Variants in PTPN21 observed in about 807,000 individuals in gnomAD.
PTPN21 encodes the protein protein tyrosine phosphatase non-receptor type 21.
A neutral mutation model predicts 131.8 loss-of-function variants in PTPN21; 77 were observed. The observed-to-expected ratio is 0.58, with a 90% CI of 0.49 to 0.71. PTPN21 has a LOEUF of 0.71. PTPN21 is among the 30% of genes least tolerant of loss of function. The pLI is 0.00. For synonymous variants in PTPN21, 715 were observed against 621.3 expected (o/e 1.15, Z -2.24); for missense variants, 1,552 against 1,527.1 (o/e 1.02, Z -0.27).
intron 3 of PTPN21, among the ~76,000 whole-genome samples, chr14:88,514,142 T>C (rs972935383): frequency 6.6e-6 from 1 of 152,202 alleles, no homozygotes; most frequent in African/African-American, 2.4e-5. Flanking sequence ...TAGAAGAATG[T>C]TTTGGCTTTT....
rs552521592 is a variant in PTPN21, at chr14:88,554,728, G to A, written c.-280C>T. The A allele has an allele frequency of 6.7e-6, 1 of 148,254 alleles. No individual in the cohort carries two copies. The highest frequency in any genetic ancestry group is 2.0e-4 in the South Asian group (1 of 5,104). 9.2% of individuals were successfully genotyped at this position (148,254 alleles called of 1,614,324 possible). On this transcript the variant is annotated 5_prime_UTR_variant, in exon 1 of 19. Transcript: ENST00000556564. ...CCCGCCTCCCGGGGCCCCGCCGCGC[G>A]GCCGCCGCAGCCGCACCCGCACGCC...
intron 10 of PTPN21, 91 bp downstream of exon 10, chr14:88,496,322 T>C (rs2140123573): frequency 1.7e-6 from 2 of 1,191,408 alleles, no homozygotes. Context: ...TGTCAACTGA[T>C]AAAATGTCTT....
chr14:88,497,989 T>A (rs1228972599), intron 8 of PTPN21, among the ~76,000 whole-genome samples: 1 of 151,616 alleles, frequency 6.6e-6, no homozygotes, highest in East Asian at 1.9e-4. Flanking sequence ...CAATCCCAGC[T>A]ACTTGGGAGG....
rs113800755 is a variant in PTPN21, at chr14:88,494,251, T to G, written c.932+2162A>C. On this transcript the variant is annotated intron_variant, in intron 10 of 18. Transcript: ENST00000556564. ...AGAGCAAGGACAGCATCCCCTAGGGTGAGGCACATCTGCAGCCTAGCCAGG... is the reference window on the plus strand; with the variant it reads ...AGAGCAAGGACAGCATCCCCTAGGGGGAGGCACATCTGCAGCCTAGCCAGG... Among the ~76,000 whole-genome samples the G allele has an allele frequency of 7.3e-3, 1,101 of 151,856 alleles. 7 individuals carry two copies. The highest frequency in any genetic ancestry group is 0.025 in the African/African-American group (1,050 of 41,408).
intron 12 of PTPN21, among the ~76,000 whole-genome samples, chr14:88,481,547 A>C (rs1393057365): frequency 1.3e-5 from 2 of 152,206 alleles, no homozygotes; most frequent in Non-Finnish European, 2.9e-5. Context: ...AATACTAAGA[A>C]TAGAAGGAGG....
At chr14:88,510,139 A>C (rs951667351) in intron 3 of PTPN21, among the ~76,000 whole-genome samples, 1 of 152,080 alleles carries the variant, frequency 6.6e-6, no homozygotes, top group African/African-American at 2.4e-5. Flanking sequence ...ATGAGAATTG[A>C]CTCTTCCATA....
Position 88,479,966 on chromosome 14 carries a change from G to C in PTPN21, c.1465C>G (p.Leu489Val). The change falls in exon 13 of 19, where the codon CTG (leucine) becomes GTG (valine). Residue 489 changes from leucine (L) to valine (V), a missense_variant. Around this residue, in one of 4 missense-constraint regions of PTPN21, gnomAD observed 1,016 missense variants for 883.5 expected, o/e 1.15. Coordinates refer to ENST00000556564, the MANE Select transcript of PTPN21 (RefSeq NM_007039.4). ...CGGATCTCGGGCTGGCTGTAGACCAGCGCCGCGGGCCTGCTGTAGGCGTAC... is the reference window on the plus strand; with the variant it reads ...CGGATCTCGGGCTGGCTGTAGACCACCGCCGCGGGCCTGCTGTAGGCGTAC... ...SSYAYSRPAA[L>V]VYSQPEIREH... is the part of the protein sequence containing the mutation. 1 of 1,609,012 alleles carries C rather than the reference G, an allele frequency of 6.2e-7. No individual in the cohort carries two copies. The highest frequency in any genetic ancestry group is 8.5e-7 in the Non-Finnish European group (1 of 1,180,002).
Position 88,496,506 on chromosome 14 carries a change from T to C in PTPN21, c.853-14A>G. The C allele has an allele frequency of 2.5e-6, 4 of 1,598,712 alleles. No homozygotes were observed. The highest frequency in any genetic ancestry group is 3.4e-6 in the Non-Finnish European group (4 of 1,166,262). On this transcript the variant is annotated splice_polypyrimidine_tract_variant and intron_variant, in intron 9 of 18. Coordinates refer to ENST00000556564, the MANE Select transcript of PTPN21 (RefSeq NM_007039.4). Reference sequence around the variant, plus strand: ...TTCCATGTCTTCCTAGCAAACAAAATAGGCATAAAGCAATATGAAAGCACA... The same window carrying C: ...TTCCATGTCTTCCTAGCAAACAAAACAGGCATAAAGCAATATGAAAGCACA...
intron 2 of PTPN21, among the ~76,000 whole-genome samples, chr14:88,534,463 A>T (rs1278689320): frequency 6.6e-6 from 1 of 152,186 alleles, no homozygotes; most frequent in African/African-American, 2.4e-5. Flanking sequence ...AAGGATATAG[A>T]TATTTTTGTA....
Position 88,550,328 on chromosome 14 carries a change from A to G in PTPN21, c.90T>C (p.Leu30=), listed in dbSNP as rs897804099. 2.5e-6 allele frequency: 4 copies of G among 1,614,140 alleles called. No individual in the cohort carries two copies. The highest frequency in any genetic ancestry group is 3.4e-6 in the Non-Finnish European group (4 of 1,180,004). ...KSCLVARIQL[L]NNEFVEFTLS... ...GGGTGAACTCCACAAACTCGTTATTAAGCAGTTGGATCCGGGCAACCAGGC... is the reference window on the plus strand; with the variant it reads ...GGGTGAACTCCACAAACTCGTTATTGAGCAGTTGGATCCGGGCAACCAGGC... The change falls in exon 2 of 19, where the codon CTT becomes CTC. Residue 30 remains leucine, a synonymous_variant. Coordinates refer to ENST00000556564, the MANE Select transcript of PTPN21 (RefSeq NM_007039.4).
In PTPN21 at chr14:88,517,170, T is replaced by C. The variant is rs752175530; in HGVS notation, c.272A>G (p.Tyr91Cys). 5.6e-6 allele frequency: 9 copies of C among 1,614,004 alleles called. No homozygotes were observed. Among genetic ancestry groups the C allele is most frequent in the Non-Finnish European group, 7.6e-6 (9 of 1,180,004 alleles). ...EKPLKKQLDK[Y>C]ALEPTVYFGV... The stretch of plus-strand genomic sequence containing the variant: ...AAAATAGACGGTAGGTTCCAATGCA[T>C]ATTTATCCAGCTGCTTCTTCAAAGG... The change falls in exon 3 of 19, where the codon TAT becomes TGT. Residue 91 changes from tyrosine (Y) to cysteine (C), a missense_variant. This residue lies in a region of PTPN21 where 206 missense variants were observed against 221.6 expected (regional missense o/e 0.93). Transcript: ENST00000556564.
intron 10 of PTPN21, among the ~76,000 whole-genome samples, chr14:88,488,420 C>A (rs2077769053): frequency 6.6e-6 from 1 of 152,182 alleles, no homozygotes; most frequent in Admixed American, 6.5e-5. Flanking sequence ...AAGTGCTTGA[C>A]CCAGGCAGCC....
chr14:88,524,093 C>A (rs1422813507), intron 2 of PTPN21, among the ~76,000 whole-genome samples: 1 of 152,076 alleles, frequency 6.6e-6, no homozygotes, highest in African/African-American at 2.4e-5. Flanking sequence ...TATCACAATC[C>A]CAATATGCTT....
intron 14 of PTPN21, among the ~76,000 whole-genome samples, chr14:88,472,964 C>G (rs1337933534): frequency 6.6e-6 from 1 of 152,094 alleles, no homozygotes; most frequent in African/African-American, 2.4e-5. Context: ...ATAATGCAAA[C>G]TTTTGTTTAA....
intron 10 of PTPN21, 51 bp downstream of exon 10, chr14:88,496,362 A>C (rs2077916012): frequency 4.8e-6 from 7 of 1,464,754 alleles, no homozygotes; most frequent in Non-Finnish European, 6.7e-6. Context: ...TCAAGATTAC[A>C]ATTTCTAAAT....
chr14:88,528,781 T>C (rs531468297), intron 2 of PTPN21, among the ~76,000 whole-genome samples: 1 of 152,366 alleles, frequency 6.6e-6, no homozygotes, highest in Admixed American at 6.5e-5. Flanking sequence ...CCATTAAATC[T>C]TCCTTTTGTA....
At chr14:88,535,927 G>C (rs1371786921) in intron 2 of PTPN21, among the ~76,000 whole-genome samples, 2 of 152,212 alleles carry the variant, frequency 1.3e-5, no homozygotes, top group African/African-American at 2.4e-5. Context: ...AATTGTAACA[G>C]AAGTTTTCCA....
At chr14:88,545,934 G>A (rs1400005283) in intron 2 of PTPN21, among the ~76,000 whole-genome samples, 5 of 148,964 alleles carry the variant, frequency 3.4e-5, no homozygotes, top group Admixed American at 2.0e-4. Flanking sequence ...GGAGGTTGCA[G>A]TGAGCCGAGA....
intron 2 of PTPN21, among the ~76,000 whole-genome samples, chr14:88,525,204 G>A (rs1023117046): frequency 2.6e-5 from 4 of 151,868 alleles, no homozygotes; most frequent in African/African-American, 9.7e-5. Flanking sequence ...TTGTGCCACT[G>A]CACTTCAACC....
Sources: gnomAD v4.1 joint callset for allele counts (sites outside exome capture counted in the v4.1 genomes callset) on GRCh38, gnomAD v4.1.1 for gene constraint, gnomAD v4.1.1 regional missense constraint, MANE v1.5 for transcripts, NCBI Gene and HGNC (gene_info 2026-07-23, HGNC 2026-07-21) for gene names.